Variants in APOLD1 observed in about 807,000 individuals in gnomAD.
The protein encoded by APOLD1 is apolipoprotein L domain-containing protein 1.
A neutral mutation model predicts 15.3 loss-of-function variants in APOLD1; 22 were observed. The observed-to-expected ratio is 1.44, with a 90% CI of 1.03 to 2.05. The LOEUF (loss-of-function observed/expected upper bound fraction) is 2.05. APOLD1 is among the 30% of genes most tolerant of loss of function. APOLD1 has a pLI of 0.00. For missense variants in APOLD1, 394 were observed against 353.5 expected, an observed-to-expected ratio of 1.11 and a Z score of -0.92; for synonymous variants, 190 against 167.4, an observed-to-expected ratio of 1.13 and a Z score of -1.04.
At chr12:12,729,888 G>T (rs1402589526) in intron 1 of APOLD1, among the ~76,000 whole-genome samples, 1 of 150,982 alleles carries the variant, frequency 6.6e-6, no homozygotes, top group Non-Finnish European at 1.5e-5. Context: ...TTTTTTTTGA[G>T]ACCAGGTCTC....
intron 1 of APOLD1, among the ~76,000 whole-genome samples, chr12:12,774,873 G>A (rs1364028311): frequency 6.6e-6 from 1 of 152,172 alleles, no homozygotes; most frequent in African/African-American, 2.4e-5. Flanking sequence ...GGTATGATGA[G>A]TTTGGAAGAC....
intron 1 of APOLD1, among the ~76,000 whole-genome samples, chr12:12,780,340 C>G (rs1486763626): frequency 6.7e-6 from 1 of 150,064 alleles, no homozygotes; most frequent in Admixed American, 6.7e-5. Context: ...ACCTCCCAGG[C>G]TCAAACCATC....
intron 1 of APOLD1, among the ~76,000 whole-genome samples, chr12:12,727,940 C>T (rs547389504): frequency 1.3e-4 from 20 of 151,530 alleles, no homozygotes; most frequent in Admixed American, 1.1e-3. Flanking sequence ...ACATCTAACA[C>T]CTACTGTTTA....
chr12:12,775,802 C>A (rs1453892106), intron 1 of APOLD1, among the ~76,000 whole-genome samples: 4 of 151,904 alleles, frequency 2.6e-5, no homozygotes. Flanking sequence ...GAGTTCATGA[C>A]CAGCTTAGGC....
At chr12:12,733,849 C>G (rs888903038) in intron 1 of APOLD1, among the ~76,000 whole-genome samples, 9 of 152,160 alleles carry the variant, frequency 5.9e-5, no homozygotes, top group Non-Finnish European at 1.3e-4. Context: ...GGTGATCTGC[C>G]CTCCTCTGTC....
At position 12,767,112 on chromosome 12, in the gene APOLD1, G is replaced by T. The variant is rs180880828; in HGVS notation, c.97-19797G>T. On this transcript the variant is annotated intron_variant, in intron 1 of 1. Coordinates refer to the APOLD1 transcript ENST00000326765. ...AATACAAAAATCAGCCGGGTGTGGT[G>T]GTGCATGCCTATAGTCCCAGCTACT... is the stretch of plus-strand genomic sequence containing the variant. Among the ~76,000 whole-genome samples, 310 of 151,998 alleles carry T rather than the reference G, an allele frequency of 2.0e-3. 2 individuals are homozygous for T. The highest frequency in any genetic ancestry group is 7.2e-3 in the African/African-American group (299 of 41,456).
At chr12:12,736,611 T>C (rs1222285276) in intron 1 of APOLD1, among the ~76,000 whole-genome samples, 4 of 152,228 alleles carry the variant, frequency 2.6e-5, no homozygotes, top group Non-Finnish European at 1.5e-5. Flanking sequence ...TTATCTAATA[T>C]TAATTGAAAT....
At chr12:12,754,353 A>G (rs1420543266) in intron 1 of APOLD1, among the ~76,000 whole-genome samples, 1 of 152,042 alleles carries the variant, frequency 6.6e-6, no homozygotes, top group African/African-American at 2.4e-5. Context: ...ATGAGCCACC[A>G]CACCTGGCCA....
chr12:12,763,323 C>G (rs1026137971), intron 1 of APOLD1, among the ~76,000 whole-genome samples: 15 of 152,012 alleles, frequency 9.9e-5, no homozygotes, highest in African/African-American at 3.6e-4. Context: ...ATTATCCCCC[C>G]ATATCCAAGA....
At position 12,761,883 on chromosome 12, in the gene APOLD1, C is replaced by T. The variant is rs2136386563; in HGVS notation, c.97-25026C>T. On this transcript the variant is annotated intron_variant, in intron 1 of 1. Coordinates refer to the APOLD1 transcript ENST00000326765. ...GAGAGTCTTGCTCTGTCACCCAGGC[C>T]TAAGTGCAGTGGTGTGATCATAGCT... 1.7e-5 allele frequency among the ~76,000 whole-genome samples: 2 copies of T among 116,258 alleles called. 1 individual carries two copies. The highest frequency in any genetic ancestry group is 5.4e-4 in the South Asian group (2 of 3,682). The allele number at this position is 116,258 out of a possible 152,430, so 76.3% of individuals were successfully genotyped here.
chr12:12,740,362 T>C (rs548368091), intron 1 of APOLD1, among the ~76,000 whole-genome samples: 14 of 152,290 alleles, frequency 9.2e-5, no homozygotes, highest in African/African-American at 3.4e-4. Context: ...GGTGATCTGC[T>C]GGCCTTGGCC....
intron 1 of APOLD1, among the ~76,000 whole-genome samples, chr12:12,746,513 A>AAATACATAAAT (rs1555089067): frequency 6.6e-6 from 1 of 151,504 alleles, no homozygotes; most frequent in East Asian, 2.0e-4. Flanking sequence ...ATAAATAAAT[A>AAATACATAAAT]AATACATAAA....
At chr12:12,728,691 AGAG>A (rs1252083208) in intron 1 of APOLD1, among the ~76,000 whole-genome samples, 5 of 126,362 alleles carry the variant, frequency 4.0e-5, no homozygotes, top group Non-Finnish European at 7.3e-5. Context: ...AAAAAAAAAA[AGAG>A]AGAGAAAGAA....
At chr12:12,769,244 A>G (rs1946966055) in intron 1 of APOLD1, among the ~76,000 whole-genome samples, 1 of 151,598 alleles carries the variant, frequency 6.6e-6, no homozygotes, top group African/African-American at 2.4e-5. Context: ...AAAAAAAAAA[A>G]AAAAAAAGTC....
chr12:12,767,907 T>A (rs1050083723), intron 1 of APOLD1, among the ~76,000 whole-genome samples: 19 of 152,014 alleles, frequency 1.2e-4, no homozygotes, highest in African/African-American at 4.6e-4. Context: ...TGCCTCAGCC[T>A]CCCGAGTAGC....
At chr12:12,768,285 T>TTAA (rs1946956402) in intron 1 of APOLD1, among the ~76,000 whole-genome samples, 1 of 152,110 alleles carries the variant, frequency 6.6e-6, no homozygotes, top group African/African-American at 2.4e-5. Flanking sequence ...CCACATTGTG[T>TTAA]AGGTCTCACA....
chr12:12,780,430 A>C (rs1454759303), intron 1 of APOLD1, among the ~76,000 whole-genome samples: 1 of 151,682 alleles, frequency 6.6e-6, no homozygotes, highest in Non-Finnish European at 1.5e-5. Context: ...AGCCTCCCGA[A>C]GTGCTGGGAT....
chr12:12,785,695 G>C lies in APOLD1; in HGVS notation c.3+1G>C, dbSNP rs989112396. The C allele has an allele frequency of 6.2e-7, 1 of 1,613,830 alleles. No individual in the cohort carries two copies. The highest frequency in any genetic ancestry group is 8.5e-7 in the Non-Finnish European group (1 of 1,179,676). On this transcript the variant is annotated splice_donor_variant, in intron 1 of 1. Coordinates refer to ENST00000356591, the MANE Select transcript of APOLD1 (RefSeq NM_030817.3). LOFTEE classifies it high-confidence loss of function. ...TCCTGGAGGCAGACAGAAGTGAATG[G>C]TAAGTGGGGAACCCTGAGGCATATA...
chr12:12,763,686 G>A (rs1239792886), intron 1 of APOLD1, among the ~76,000 whole-genome samples: 1 of 152,000 alleles, frequency 6.6e-6, no homozygotes, highest in Admixed American at 6.6e-5. Context: ...ATTTTATATG[G>A]GACTTTAGCA....
Sources: allele counts gnomAD v4.1 joint callset (sites outside exome capture counted in the v4.1 genomes callset), GRCh38; gene constraint gnomAD v4.1.1; transcripts MANE v1.5; gene names NCBI Gene and HGNC (gene_info 2026-07-23, HGNC 2026-07-21).